POMGNT1: variants seen among roughly 807,000 people sequenced by gnomAD.
POMGNT1 encodes the protein protein O-linked mannose N-acetylglucosaminyltransferase 1 (beta 1,2-).
In POMGNT1, 67 loss-of-function variants were observed where a neutral mutation model predicts 95.6. The ratio of observed to expected loss-of-function variants is 0.70; its 90% CI spans 0.58 to 0.86. POMGNT1 has a LOEUF of 0.86. POMGNT1 is among the 40% of genes least tolerant of loss of function. POMGNT1 has a pLI of 0.00. For missense variants in POMGNT1, 719 were observed against 855.2 expected (o/e 0.84, Z 1.99); for synonymous variants, 298 against 317.9 (o/e 0.94, Z 0.66).
rs529968345 is a variant in POMGNT1, at chr1:46,197,719, G to A, written c.103C>T (p.Leu35=). The A allele has an allele frequency of 9.3e-6, 15 of 1,614,134 alleles. No homozygotes were observed. The highest frequency in any genetic ancestry group is 3.3e-5 in the South Asian group (3 of 91,084). The change falls in exon 2 of 22, where the codon CTG becomes TTG. Residue 35 remains leucine (L), a synonymous_variant. Transcript: ENST00000371984. ...CTCTATACCTGACAGAATCTCCGCA[G>A]GGCCCGCTGGTTTGTCAGTTTATAC... ...WKYKLTNQRA[L]RRFCQTGAVL...
At position 46,196,717 on chromosome 1, in the gene POMGNT1, C is replaced by G. The variant is rs541869996; in HGVS notation, c.354+14G>C. The stretch of plus-strand genomic sequence containing the variant: ...AGAATAGAGTGACTGTACACCAGAC[C>G]CTGGCCCACTGACCGTGGTGCCATC... On this transcript the variant is annotated intron_variant, in intron 4 of 21. Coordinates refer to ENST00000371984, the MANE Select transcript of POMGNT1 (RefSeq NM_017739.4). The surrounding 1 kb of genome is among the most constrained non-coding windows in gnomAD (Gnocchi z 4.4). 6.2e-7 allele frequency: 1 copy of G among 1,614,064 alleles called. No individual in the cohort carries two copies. The highest frequency in any genetic ancestry group is 1.3e-5 in the African/African-American group (1 of 75,058).
At chr1:46,193,803 G>T in intron 10 of POMGNT1, 52 bp downstream of exon 10, 2 of 1,610,268 alleles carry the variant, frequency 1.2e-6, no homozygotes, top group South Asian at 2.2e-5. Context: ...GGAGGTAGAT[G>T]ACCTAAGCAC....
chr1:46,196,656 C>T lies in POMGNT1; in HGVS notation c.354+75G>A, dbSNP rs544258052. 25 of 1,611,064 alleles carry T rather than the reference C, an allele frequency of 1.6e-5. No individual in the cohort carries two copies. The African/African-American group carries it at 2.1e-4, about 14-fold the overall frequency. ...GGCAGAGTTGCAGTTCCCACTTAGG[C>T]AGTAGACCCTGCTGCCAGTGGACCA... On this transcript the variant is annotated intron_variant, in intron 4 of 21. Coordinates refer to ENST00000371984, the MANE Select transcript of POMGNT1 (RefSeq NM_017739.4). The surrounding 1 kb of genome is among the most constrained non-coding windows in gnomAD (Gnocchi z 4.4).
At chr1:46,214,390 T>C (rs1481784923) in intron 1 of POMGNT1, among the ~76,000 whole-genome samples, 1 of 148,836 alleles carries the variant, frequency 6.7e-6, no homozygotes, top group African/African-American at 2.5e-5. Flanking sequence ...TTGAATGAAA[T>C]GGAGATAATA....
rs887579403 is a variant in POMGNT1 at position 46,196,432 on chromosome 1, G to A, written c.354+299C>T. 6.6e-6 allele frequency among the ~76,000 whole-genome samples: 1 copy of A among 152,248 alleles called. No individual in the cohort carries two copies. The highest frequency in any genetic ancestry group is 2.4e-5 in the African/African-American group (1 of 41,470). On this transcript the variant is annotated intron_variant, in intron 4 of 21. Transcript: ENST00000371984. This position sits in a 1 kb window ranked among gnomAD's most constrained non-coding sequence, Gnocchi z 4.4. ...GGTCCCCAGTGCCCAGCACAAGGCT[G>A]AGGCCAAAGAAAGGACCAGGGGATG...
chr1:46,196,590 G>T lies in POMGNT1; in HGVS notation c.354+141C>A. The T allele has an allele frequency of 6.6e-7, 1 of 1,518,346 alleles. No homozygotes were observed. The highest frequency in any genetic ancestry group is 8.9e-7 in the Non-Finnish European group (1 of 1,122,734). 94.1% of individuals were successfully genotyped at this position (1,518,346 alleles called of 1,614,324 possible). On this transcript the variant is annotated intron_variant, in intron 4 of 21. Transcript: ENST00000371984. This position sits in a 1 kb window ranked among gnomAD's most constrained non-coding sequence, Gnocchi z 4.4. ...TAGAAATCATTAGTCCCAGTCTATA[G>T]ATAAGGAATCGAGGACTCCAAAGTC... is the stretch of plus-strand genomic sequence containing the variant.
chr1:46,217,430 A>G (rs1194034121), intron 1 of POMGNT1, among the ~76,000 whole-genome samples: 2 of 152,244 alleles, frequency 1.3e-5, no homozygotes, highest in East Asian at 3.8e-4. Context: ...TAACTATAGT[A>G]AACTACATGG....
At chr1:46,197,432 C>G in intron 2 of POMGNT1, 1 of 1,493,066 alleles carries the variant, frequency 6.7e-7, no homozygotes, top group South Asian at 1.2e-5. Context: ...CTGGCCCTAA[C>G]TGCCTCACAG....
At chr1:46,220,266 G>A in exon 1 of POMGNT1, 3 of 1,531,990 alleles carry the variant, frequency 2.0e-6, no homozygotes, top group Non-Finnish European at 2.6e-6. Context: ...TTATCCATTA[G>A]ATGTGGTCTC....
At chr1:46,214,005 A>G (rs1281016471) in intron 1 of POMGNT1, among the ~76,000 whole-genome samples, 1 of 152,090 alleles carries the variant, frequency 6.6e-6, no homozygotes, top group African/African-American at 2.4e-5. Flanking sequence ...GCAGCAGTTA[A>G]AGATGATAGA....
Position 46,196,960 on chromosome 1 carries a change from C to G in POMGNT1, c.235+10G>C. 6.2e-7 allele frequency: 1 copy of G among 1,614,242 alleles called. No homozygotes were observed. Among genetic ancestry groups the G allele is most frequent in the Non-Finnish European group, 8.5e-7 (1 of 1,180,028 alleles). On this transcript the variant is annotated intron_variant, in intron 3 of 21. Coordinates refer to ENST00000371984, the MANE Select transcript of POMGNT1 (RefSeq NM_017739.4). This position sits in a 1 kb window ranked among gnomAD's most constrained non-coding sequence, Gnocchi z 4.4. ...CAAGGCCCCCTACCCCATCCTTAGC[C>G]TAGCCCTACCATAGTCTTGCTCTGG... is the stretch of plus-strand genomic sequence containing the variant.
chr1:46,220,161 C>G lies in POMGNT1; in HGVS notation c.-507G>C, dbSNP rs375709405. The G allele has an allele frequency of 5.5e-5, 89 of 1,613,962 alleles. 2 individuals carry two copies. The highest frequency in any genetic ancestry group is 4.0e-4 in the East Asian group (18 of 44,898). On this transcript the variant is annotated 5_prime_UTR_variant, in exon 1 of 23. Coordinates refer to the POMGNT1 transcript ENST00000371992. The stretch of plus-strand genomic sequence containing the variant: ...GTCACCAGAGGATGAGAGTGCCAAG[C>G]TGGGCTTCGAGGCCCACTGGTTCTG...
intron 1 of POMGNT1, among the ~76,000 whole-genome samples, chr1:46,207,263 T>TAGAG (rs943720215): frequency 6.6e-6 from 1 of 152,086 alleles, no homozygotes; most frequent in African/African-American, 2.4e-5. Flanking sequence ...GTATTTTTAG[T>TAGAG]AGAGACGGGA....
chr1:46,206,166 A>C (rs1056753052), intron 1 of POMGNT1, among the ~76,000 whole-genome samples: 2 of 152,230 alleles, frequency 1.3e-5, no homozygotes, highest in African/African-American at 4.8e-5. Flanking sequence ...GCTTTAGGCA[A>C]GGAAGAATGC....
At chr1:46,211,246 C>T (rs1658884904) in intron 1 of POMGNT1, among the ~76,000 whole-genome samples, 1 of 152,140 alleles carries the variant, frequency 6.6e-6, no homozygotes, top group Admixed American at 6.6e-5. Context: ...GGGTATGAGT[C>T]AGGACCTTCT....
chr1:46,209,659 C>T (rs1219791887), intron 1 of POMGNT1, among the ~76,000 whole-genome samples: 1 of 151,038 alleles, frequency 6.6e-6, no homozygotes, highest in Non-Finnish European at 1.5e-5. Flanking sequence ...ATTACATGCA[C>T]CCGCCACCAC....
At position 46,189,864 on chromosome 1, in the gene POMGNT1, T is replaced by C. The variant is rs1478943022; in HGVS notation, c.1775A>G (p.Gln592Arg). The C allele has an allele frequency of 6.2e-7, 1 of 1,613,872 alleles. No individual in the cohort carries two copies. The highest frequency in any genetic ancestry group is 8.5e-7 in the Non-Finnish European group (1 of 1,179,992). The change falls in exon 20 of 22, where the codon CAG (glutamine) becomes CGG (arginine). Residue 592 changes from glutamine to arginine, a missense_variant. Around this residue, in one of 5 missense-constraint regions of POMGNT1, gnomAD observed 130 missense variants for 149.2 expected, o/e 0.87. Coordinates refer to ENST00000371984, the MANE Select transcript of POMGNT1 (RefSeq NM_017739.4). ...EKDDDFTTWT[Q>R]LAKCLHIWDL... is the part of the protein sequence containing the mutation. ...ATGGTATTGGAGCACCTTGGCAAGCTGGGTCCAGGTGGTGAAGTCATCATC... is the reference window on the plus strand; with the variant it reads ...ATGGTATTGGAGCACCTTGGCAAGCCGGGTCCAGGTGGTGAAGTCATCATC...
rs1008854157 is a variant in POMGNT1 at position 46,198,387 on chromosome 1, G to T, written c.-102C>A. 1 of 152,162 alleles carries T rather than the reference G, an allele frequency of 6.6e-6. No homozygotes were observed. Among genetic ancestry groups the T allele is most frequent in the Non-Finnish European group, 1.5e-5 (1 of 67,750 alleles). 9.4% of individuals were successfully genotyped at this position (152,162 alleles called of 1,614,324 possible). The stretch of plus-strand genomic sequence containing the variant: ...GGCCCCGCTAGGGCCCTCACTGCTC[G>T]GCCCGGCTCGCCGCGGCCTCCGCCT... On this transcript the variant is annotated 5_prime_UTR_variant, in exon 1 of 22. Transcript: ENST00000371984.
At chr1:46,206,502 A>G (rs1263492018) in intron 1 of POMGNT1, among the ~76,000 whole-genome samples, 2 of 152,044 alleles carry the variant, frequency 1.3e-5, no homozygotes, top group Non-Finnish European at 2.9e-5. Context: ...ATCTCCTTGG[A>G]AGGAGAATTG....
Sources: gnomAD v4.1 joint callset for allele counts (sites outside exome capture counted in the v4.1 genomes callset) on GRCh38, gnomAD v4.1.1 for gene constraint, gnomAD v4.1.1 regional missense constraint, Gnocchi (gnomAD v3.1) non-coding constraint, MANE v1.5 for transcripts, NCBI Gene and HGNC (gene_info 2026-07-23, HGNC 2026-07-21) for gene names.